The following ENOSF1 variants were observed in gnomAD, a reference collection of about 807,000 sequenced individuals.
ENOSF1 encodes enolase superfamily member 1.
A neutral mutation model predicts 68.2 loss-of-function variants in ENOSF1; 73 were observed. That is an observed-to-expected ratio of 1.07 (90% confidence interval 0.89 to 1.30). The LOEUF is 1.30. ENOSF1 is among the 50% of genes most tolerant of loss of function. ENOSF1 has a pLI of 0.00. For missense variants in ENOSF1, 589 were observed against 554.5 expected (o/e 1.06, Z -0.62); for synonymous variants, 223 against 210.4 (o/e 1.06, Z -0.52).
At chr18:699,595 T>A (rs1428187957) in intron 2 of ENOSF1, among the ~76,000 whole-genome samples, 1 of 152,224 alleles carries the variant, frequency 6.6e-6, no homozygotes, top group African/African-American at 2.4e-5. Context: ...TAGCCTACGT[T>A]GTGTAAATGG....
downstream of ENOSF1, among the ~76,000 whole-genome samples, chr18:667,023 AGATGGT>A (rs1187253620): frequency 3.4e-3 from 14 of 4,120 alleles, 2 homozygotes; most frequent in Non-Finnish European, 5.2e-3. Context: ...ATGGAGATGG[AGATGGT>A]GATGGAGATG....
In ENOSF1 at chr18:670,638, G is replaced by A. The variant is rs770854990; in HGVS notation, c.*3667C>T. 25 of 1,591,056 alleles carry A rather than the reference G, an allele frequency of 1.6e-5. No homozygotes were observed. The highest frequency in any genetic ancestry group is 2.1e-5 in the Non-Finnish European group (25 of 1,164,532). On this transcript the variant is annotated 3_prime_UTR_variant, in exon 16 of 16. Transcript: ENST00000647584. ...TCTCTCCTGTTTTACTTTGCCTTTAGCTGTGGTCTTTCAAACCACCATCCC... is the reference window on the plus strand; with the variant it reads ...TCTCTCCTGTTTTACTTTGCCTTTAACTGTGGTCTTTCAAACCACCATCCC...
chr18:674,286 A>T lies in ENOSF1; in HGVS notation c.*19T>A. ...AGCCCTTTCACTTCAGAAAGAAAAA[A>T]GTTGTTGGGGCTGAGCACTTAATTT... is the stretch of plus-strand genomic sequence containing the variant. On this transcript the variant is annotated 3_prime_UTR_variant, in exon 16 of 16. Transcript: ENST00000647584. 1 of 1,545,596 alleles carries T rather than the reference A, an allele frequency of 6.5e-7. No homozygotes were observed. The highest frequency in any genetic ancestry group is 8.8e-7 in the Non-Finnish European group (1 of 1,139,856).
rs58489074 is a variant in ENOSF1 at position 671,785 on chromosome 18, C to CTT, written c.*2518_*2519dup. ...TTGAAGTGCAAATGTTTTTCCTTTTCTTTTTTTTTTGAGATGGAGTCTTTC... is the reference window on the plus strand; with the variant it reads ...TTGAAGTGCAAATGTTTTTCCTTTTCTTTTTTTTTTTTGAGATGGAGTCTTTC... On this transcript the variant is annotated 3_prime_UTR_variant, in exon 16 of 16. Transcript: ENST00000647584. 9.8e-3 allele frequency: 2,407 copies of CTT among 245,432 alleles called. 36 individuals are homozygous for CTT. Among genetic ancestry groups the CTT allele is most frequent in the African/African-American group, 0.041 (1,735 of 42,074 alleles). The allele number at this position is 245,432 out of a possible 1,614,324, so 15.2% of individuals were successfully genotyped here. A position where few individuals can be genotyped will look rare whatever the true frequency, so the allele number is the denominator to read the frequency against.
In ENOSF1 at chr18:671,105, T is replaced by C. The variant is rs2853740; in HGVS notation, c.*3200A>G. On this transcript the variant is annotated 3_prime_UTR_variant, in exon 16 of 16. Transcript: ENST00000647584. ...TGTTTGTGATACAGCTTCTATGGATTTTCTCAAAAGCTATGCTGAGGTTGG... is the reference window on the plus strand; with the variant it reads ...TGTTTGTGATACAGCTTCTATGGATCTTCTCAAAAGCTATGCTGAGGTTGG... The C allele has an allele frequency of 0.35, 215,912 of 621,860 alleles. 40,323 individuals are homozygous for C. The highest frequency in any genetic ancestry group is 0.66 in the East Asian group (23,587 of 35,876). The allele number at this position is 621,860 out of a possible 1,614,324, so 38.5% of individuals were successfully genotyped here.
intron 7 of ENOSF1, 64 bp from the exon 8 acceptor site, chr18:690,695 T>C (rs2077054800): frequency 8.7e-7 from 1 of 1,152,150 alleles, no homozygotes; most frequent in South Asian, 1.6e-5. Flanking sequence ...TGGAAGTGCC[T>C]GTAGCTAAGC....
At position 671,050 on chromosome 18, in the gene ENOSF1, T is replaced by C. The variant is rs523998; in HGVS notation, c.*3255A>G. 34,927 of 698,000 alleles carry C rather than the reference T, an allele frequency of 0.05. 1,082 individuals are homozygous for C. Among genetic ancestry groups the C allele is most frequent in the Non-Finnish European group, 0.061 (26,027 of 425,910 alleles). The allele number at this position is 698,000 out of a possible 1,614,324, so 43.2% of individuals were successfully genotyped here. A position where few individuals can be genotyped will look rare whatever the true frequency, so the allele number is the denominator to read the frequency against. The stretch of plus-strand genomic sequence containing the variant: ...TCTTCTGGAAGGTTTTCTGGCCCTG[T>C]GGTATACGCACTAACAGATCTATAC... On this transcript the variant is annotated 3_prime_UTR_variant, in exon 16 of 16. Coordinates refer to ENST00000647584, the MANE Select transcript of ENOSF1 (RefSeq NM_017512.7).
Position 683,145 on chromosome 18 carries a change from G to C in ENOSF1, c.876+101C>G, listed in dbSNP as rs2076251223. 23 of 1,412,680 alleles carry C rather than the reference G, an allele frequency of 1.6e-5. No individual in the cohort carries two copies. In the South Asian group the frequency reaches 2.1e-4, roughly 13 times the overall value. The allele number at this position is 1,412,680 out of a possible 1,614,324, so 87.5% of individuals were successfully genotyped here. On this transcript the variant is annotated intron_variant, in intron 11 of 15. Transcript: ENST00000647584. ...TATTTCAGCTACTTCAACAGGAAATGCAAGAGGGAACAAGTGAAGAAATTT... is the reference window on the plus strand; with the variant it reads ...TATTTCAGCTACTTCAACAGGAAATCCAAGAGGGAACAAGTGAAGAAATTT...
At chr18:693,224 T>C in intron 5 of ENOSF1, 1 of 1,289,164 alleles carries the variant, frequency 7.8e-7, no homozygotes, top group Non-Finnish European at 1.0e-6. Flanking sequence ...TGCATAGCTT[T>C]AGAATTCAGT....
chr18:690,615 T>A lies in ENOSF1; in HGVS notation c.552A>T (p.Ala184=), dbSNP rs2077046590. 2 of 1,613,764 alleles carry A rather than the reference T, an allele frequency of 1.2e-6. No homozygotes were observed. The change falls in exon 8 of 16, where the codon GCA becomes GCT. Residue 184 remains alanine, a synonymous_variant. Coordinates refer to ENST00000647584, the MANE Select transcript of ENOSF1 (RefSeq NM_017512.7). The part of the protein sequence containing the change: ...GKKEREKQML[A]QGYPAYTTSC... ...ATGTCGTGTAAGCAGGGTATCCTTG[T>A]GCCAGCATTTGCTTCTCTGTGAAAA...
intron 2 of ENOSF1, among the ~76,000 whole-genome samples, chr18:703,081 A>G (rs2078540543): frequency 6.6e-6 from 1 of 152,242 alleles, no homozygotes; most frequent in Non-Finnish European, 1.5e-5. Context: ...GTTAAAGTTA[A>G]AATGGGTTCT....
At chr18:677,682 G>T in intron 13 of ENOSF1, 61 bp downstream of exon 13, 1 of 1,564,522 alleles carries the variant, frequency 6.4e-7, no homozygotes, top group South Asian at 1.2e-5. Flanking sequence ...AAACCATCAA[G>T]GGAGGTGTCT....
At chr18:697,471 C>T in intron 2 of ENOSF1, 116 bp from the exon 3 acceptor site, 1 of 829,078 alleles carries the variant, frequency 1.2e-6, no homozygotes, top group Non-Finnish European at 1.9e-6. Flanking sequence ...TAAATCTAGG[C>T]CAGGCGCGGT....
chr18:709,477 TAAG>T (rs2079280736), intron 1 of ENOSF1, among the ~76,000 whole-genome samples: 1 of 151,930 alleles, frequency 6.6e-6, no homozygotes, highest in South Asian at 2.1e-4. Flanking sequence ...GATTTCAGAT[TAAG>T]AAGGAGGTAA....
At chr18:675,745 C>T (rs752862804) in intron 14 of ENOSF1, among the ~76,000 whole-genome samples, 19 of 152,318 alleles carry the variant, frequency 1.2e-4, no homozygotes, top group African/African-American at 1.9e-4. Flanking sequence ...AAAATCACCA[C>T]ATTTTGTGAT....
At chr18:689,632 G>T (rs1319132389) in intron 8 of ENOSF1, among the ~76,000 whole-genome samples, 1 of 152,242 alleles carries the variant, frequency 6.6e-6, no homozygotes, top group South Asian at 2.1e-4. Flanking sequence ...TCCCAGAGAG[G>T]CTGGAATCAA....
chr18:701,460 T>TA (rs879594494), intron 2 of ENOSF1, among the ~76,000 whole-genome samples: 320 of 140,346 alleles, frequency 2.3e-3, no homozygotes, highest in Non-Finnish European at 2.8e-3. Flanking sequence ...AATAAAGTCT[T>TA]AAAAAAAAAA....
chr18:673,334 C>T lies in ENOSF1; in HGVS notation c.*971G>A, dbSNP rs1598487119. ...AAAGAAGGTTGGTGAATTTCACAAG[C>T]TATTTTTGGAATATTTTTAGAATAT... On this transcript the variant is annotated 3_prime_UTR_variant, in exon 16 of 16. Transcript: ENST00000647584. The T allele has an allele frequency of 8.5e-6, 2 of 235,264 alleles. No homozygotes were observed. The highest frequency in any genetic ancestry group is 1.3e-4 in the East Asian group (2 of 15,546). The allele number at this position is 235,264 out of a possible 1,614,324, so 14.6% of individuals were successfully genotyped here.
intron 2 of ENOSF1, among the ~76,000 whole-genome samples, chr18:698,248 T>A (rs1190668286): frequency 5.9e-5 from 9 of 152,226 alleles, no homozygotes. Flanking sequence ...ATATAAATGT[T>A]CCCAAATTAT....
Sources: allele counts gnomAD v4.1 joint callset (sites outside exome capture counted in the v4.1 genomes callset), GRCh38; gene constraint gnomAD v4.1.1; transcripts MANE v1.5; gene names NCBI Gene and HGNC (gene_info 2026-07-23, HGNC 2026-07-21).